Variants in NRXN3 observed in about 807,000 individuals in gnomAD.
NRXN3 encodes neurexin 3.
A neutral mutation model predicts 137.6 loss-of-function variants in NRXN3; 32 were observed. The ratio of observed to expected loss-of-function variants is 0.23; its 90% CI spans 0.18 to 0.31. NRXN3 has a LOEUF of 0.31. Among genes scored for constraint, NRXN3 ranks in the 10% least tolerant of loss-of-function variants. The pLI, the probability that NRXN3 is intolerant of heterozygous loss-of-function variation, is 1.00. For synonymous variants in NRXN3, 798 were observed against 784.5 expected (o/e 1.02, Z -0.29); for missense variants, 1,574 against 2,062.5 (o/e 0.76, Z 4.59).
chr14:78,269,314 A>C (rs1353697185), intron 2 of NRXN3, among the ~76,000 whole-genome samples: 3 of 152,240 alleles, frequency 2.0e-5, no homozygotes, highest in African/African-American at 7.2e-5. Flanking sequence ...CCATGAGGAC[A>C]TTATGCTAAG....
chr14:79,096,163 A>G (rs1315961122), intron 15 of NRXN3, among the ~76,000 whole-genome samples: 4 of 150,074 alleles, frequency 2.7e-5, no homozygotes, highest in African/African-American at 4.9e-5. Context: ...GCTGGAGTGC[A>G]GTGGCACCAT....
At chr14:78,718,218 C>A (rs868181598) in intron 8 of NRXN3, among the ~76,000 whole-genome samples, 11 of 152,198 alleles carry the variant, frequency 7.2e-5, no homozygotes, top group Middle Eastern at 3.4e-3. Flanking sequence ...ATGTGTTAAG[C>A]CTAAGACAAT....
chr14:79,702,769 A>G (rs1185915359), intron 19 of NRXN3, among the ~76,000 whole-genome samples: 1 of 152,096 alleles, frequency 6.6e-6, no homozygotes, highest in Admixed American at 6.5e-5. Flanking sequence ...ACTGACTCCA[A>G]TATTGGTGGG....
chr14:78,460,525 T>TG (rs2094892402), intron 4 of NRXN3, among the ~76,000 whole-genome samples: 2 of 152,306 alleles, frequency 1.3e-5, no homozygotes, highest in South Asian at 4.1e-4. Context: ...AATGGCATTT[T>TG]GGGAGGGGGT....
At chr14:78,566,679 T>C (rs1252890730) in intron 4 of NRXN3, among the ~76,000 whole-genome samples, 1 of 152,142 alleles carries the variant, frequency 6.6e-6, no homozygotes, top group East Asian at 1.9e-4. Flanking sequence ...CTGGTTTCTT[T>C]CCTCCCATTT....
At chr14:79,433,338 C>T (rs1206563704) in intron 15 of NRXN3, among the ~76,000 whole-genome samples, 4 of 152,116 alleles carry the variant, frequency 2.6e-5, no homozygotes, top group African/African-American at 7.2e-5. Context: ...TCTTGACCCC[C>T]GCAAGAACAG....
chr14:79,033,055 G>A (rs1347062085), intron 15 of NRXN3, among the ~76,000 whole-genome samples: 1 of 152,030 alleles, frequency 6.6e-6, no homozygotes, highest in African/African-American at 2.4e-5. Context: ...ATTTTTCCCT[G>A]GATTGTTTTG....
chr14:79,854,722 T>C (rs2099398931), intron 20 of NRXN3, among the ~76,000 whole-genome samples: 1 of 152,194 alleles, frequency 6.6e-6, no homozygotes, highest in Non-Finnish European at 1.5e-5. Flanking sequence ...TAGCTCCAAG[T>C]AGTACCAGTG....
At chr14:79,092,749 C>T (rs1280134004) in intron 15 of NRXN3, among the ~76,000 whole-genome samples, 1 of 152,100 alleles carries the variant, frequency 6.6e-6, no homozygotes, top group Non-Finnish European at 1.5e-5. Flanking sequence ...TAAATGAGCC[C>T]CAGGAAGGAG....
At chr14:79,060,958 T>C (rs2099673497) in intron 15 of NRXN3, among the ~76,000 whole-genome samples, 1 of 152,122 alleles carries the variant, frequency 6.6e-6, no homozygotes, top group Admixed American at 6.6e-5. Flanking sequence ...AAATACTGTG[T>C]GGCATGCTCA....
chr14:78,239,861 C>T (rs2066855597), intron 1 of NRXN3, among the ~76,000 whole-genome samples: 2 of 152,164 alleles, frequency 1.3e-5, no homozygotes, highest in South Asian at 4.2e-4. Context: ...TCGCCTGCCA[C>T]TGGGACTAAT....
chr14:78,808,356 A>G (rs1386970854), intron 9 of NRXN3, among the ~76,000 whole-genome samples: 2 of 152,232 alleles, frequency 1.3e-5, no homozygotes, highest in Non-Finnish European at 2.9e-5. Flanking sequence ...TCAGCTATGC[A>G]GAAGCCGAAG....
intron 15 of NRXN3, among the ~76,000 whole-genome samples, chr14:79,272,755 T>C (rs963160076): frequency 2.2e-4 from 33 of 152,146 alleles, no homozygotes; most frequent in African/African-American, 8.0e-4. Context: ...TGTTTTGGAG[T>C]TGGCTTGGAG....
intron 10 of NRXN3, among the ~76,000 whole-genome samples, chr14:78,812,998 G>T (rs1172175877): frequency 6.7e-6 from 1 of 149,990 alleles, no homozygotes; most frequent in Non-Finnish European, 1.5e-5. Flanking sequence ...CGTATCTAGG[G>T]TTATGTAGAG....
At chr14:79,212,711 A>G (rs2067859961) in intron 15 of NRXN3, among the ~76,000 whole-genome samples, 1 of 152,144 alleles carries the variant, frequency 6.6e-6, no homozygotes, top group Non-Finnish European at 1.5e-5. Flanking sequence ...ATCGTGCCCA[A>G]ATGAGTGTTG....
intron 4 of NRXN3, among the ~76,000 whole-genome samples, chr14:78,332,892 G>T (rs2081008606): frequency 6.6e-6 from 1 of 152,156 alleles, no homozygotes; most frequent in South Asian, 2.1e-4. Context: ...TCTTCATGTG[G>T]TCTTTGTCAA....
intron 17 of NRXN3, among the ~76,000 whole-genome samples, chr14:79,691,756 A>T (rs189036279): frequency 6.6e-6 from 1 of 152,070 alleles, no homozygotes; most frequent in Non-Finnish European, 1.5e-5. Flanking sequence ...GTAGATTAAT[A>T]GTGCAGCTTG....
intron 2 of NRXN3, among the ~76,000 whole-genome samples, chr14:78,244,133 G>T (rs900578078): frequency 6.6e-6 from 1 of 152,118 alleles, no homozygotes; most frequent in Non-Finnish European, 1.5e-5. Context: ...AAATCAGATA[G>T]AAATTGGGAA....
At chr14:79,623,013 T>C (rs986816170) in intron 16 of NRXN3, among the ~76,000 whole-genome samples, 55 of 152,362 alleles carry the variant, frequency 3.6e-4, no homozygotes, top group Non-Finnish European at 1.8e-4. Context: ...TAATTTTAAG[T>C]GATATTGGCA....
Sources: allele counts gnomAD v4.1 joint callset (sites outside exome capture counted in the v4.1 genomes callset), GRCh38; gene constraint gnomAD v4.1.1; transcripts MANE v1.5; gene names NCBI Gene and HGNC (gene_info 2026-07-23, HGNC 2026-07-21).